MAPK6: variants seen among roughly 807,000 people sequenced by gnomAD.
The protein encoded by MAPK6 is ERK-3.
Under a neutral mutation model 59.3 loss-of-function variants are expected in MAPK6, and 19 were observed. That is an observed-to-expected ratio of 0.32 (90% CI 0.22 to 0.47). MAPK6 has a LOEUF of 0.47. MAPK6 is among the 20% of genes least tolerant of loss of function. The pLI, the probability that MAPK6 is intolerant of heterozygous loss-of-function variation, is 1.00. For missense variants in MAPK6, 724 were observed against 847.9 expected, an observed-to-expected ratio of 0.85 and a Z score of 1.81; for synonymous variants, 316 against 290.3, an observed-to-expected ratio of 1.09 and a Z score of -0.90.
chr15:52,046,818 G>C lies in MAPK6; in HGVS notation c.358G>C (p.Glu120Gln). 3.1e-6 allele frequency: 5 copies of C among 1,613,918 alleles called. No homozygotes were observed. The highest frequency in any genetic ancestry group is 3.4e-6 in the Non-Finnish European group (4 of 1,179,900). ...GGAGACAGACTTGGCTAATGTGCTG[G>C]AGCAGGGCCCTTTACTGGAAGAGCA... is the stretch of plus-strand genomic sequence containing the variant. Reference protein sequence around the residue: ...YMETDLANVLEQGPLLEEHAR... With the variant: ...YMETDLANVLQQGPLLEEHAR... The change falls in exon 2 of 6, where the codon GAG (glutamate) becomes CAG (glutamine). Residue 120 changes from glutamate (E) to glutamine (Q), a missense_variant. Coordinates refer to ENST00000261845, the MANE Select transcript of MAPK6 (RefSeq NM_002748.4).
chr15:52,050,962 G>C (rs901515500), intron 3 of MAPK6, among the ~76,000 whole-genome samples: 2 of 152,170 alleles, frequency 1.3e-5, no homozygotes, highest in Non-Finnish European at 2.9e-5. Context: ...GAAAAGTAAG[G>C]AATAGTAGGG....
intron 3 of MAPK6, among the ~76,000 whole-genome samples, chr15:52,053,302 C>T (rs1373500704): frequency 6.6e-6 from 1 of 152,056 alleles, no homozygotes; most frequent in African/African-American, 2.4e-5. Context: ...TCTCGAACTC[C>T]TAACCTGAAG....
intron 3 of MAPK6, chr15:52,056,783 C>A (rs1219201965): frequency 6.6e-6 from 1 of 152,076 alleles, no homozygotes; most frequent in Non-Finnish European, 1.5e-5. Flanking sequence ...TTCACTTAGT[C>A]CCTGGGTAGT....
At chr15:51,973,351 T>C (rs916639454) in intron 1 of MAPK6, among the ~76,000 whole-genome samples, 16 of 152,012 alleles carry the variant, frequency 1.1e-4, no homozygotes, top group Non-Finnish European at 1.8e-4. Flanking sequence ...TTTGATTAAA[T>C]TTATTTTCTT....
intron 3 of MAPK6, among the ~76,000 whole-genome samples, chr15:52,056,238 T>C (rs923360792): frequency 5.9e-5 from 9 of 152,240 alleles, no homozygotes; most frequent in Non-Finnish European, 1.2e-4. Flanking sequence ...ACTTGGGCAG[T>C]AGATATTTTC....
intron 3 of MAPK6, among the ~76,000 whole-genome samples, chr15:52,052,145 C>G (rs1174221161): frequency 5.9e-5 from 9 of 152,116 alleles, no homozygotes; most frequent in Admixed American, 5.2e-4. Context: ...AGTGGTTTAG[C>G]TGGGTGGTTC....
chr15:52,040,173 C>T (rs983885603), intron 1 of MAPK6, among the ~76,000 whole-genome samples: 2 of 152,200 alleles, frequency 1.3e-5, no homozygotes, highest in African/African-American at 4.8e-5. Flanking sequence ...GACATGATCT[C>T]AGGGAAGGGT....
At chr15:52,049,234 G>A (rs1402954194) in intron 2 of MAPK6, among the ~76,000 whole-genome samples, 1 of 152,092 alleles carries the variant, frequency 6.6e-6, no homozygotes, top group East Asian at 1.9e-4. Flanking sequence ...AGCACCTCTG[G>A]TGCTCTTCCC....
At chr15:52,023,547 G>GT (rs1208142473) in intron 1 of MAPK6, among the ~76,000 whole-genome samples, 1 of 152,182 alleles carries the variant, frequency 6.6e-6, no homozygotes, top group Non-Finnish European at 1.5e-5. Flanking sequence ...GCATTGATTG[G>GT]TTTTTTCACC....
chr15:52,053,373 G>A (rs554993225), intron 3 of MAPK6, among the ~76,000 whole-genome samples: 4 of 152,126 alleles, frequency 2.6e-5, no homozygotes, highest in Admixed American at 6.5e-5. Context: ...ATTGCACCCG[G>A]CCTCATTGTG....
chr15:52,033,779 T>G (rs1472846732), intron 1 of MAPK6: 8 of 152,188 alleles, frequency 5.3e-5, no homozygotes, highest in Non-Finnish European at 1.2e-4. Context: ...TCTGGGTTAA[T>G]AGGCTTTGTT....
chr15:52,062,913 A>G (rs114743051), intron 5 of MAPK6, among the ~76,000 whole-genome samples: 1,934 of 152,050 alleles, frequency 0.013, 51 homozygotes, highest in African/African-American at 0.045. Flanking sequence ...ATGTATGGCC[A>G]AGTTTGGGAA....
At chr15:52,016,606 CCT>C (rs1475564891), upstream of MAPK6, among the ~76,000 whole-genome samples, 2 of 152,096 alleles carry the variant, frequency 1.3e-5, no homozygotes, top group Admixed American at 6.5e-5. Context: ...GGTAAACAGC[CCT>C]CTGTTCTACT....
chr15:51,991,116 GA>G (rs2057206760), intron 2 of MAPK6, among the ~76,000 whole-genome samples: 2 of 150,874 alleles, frequency 1.3e-5, no homozygotes. Context: ...CAACAAGAGC[GA>G]AATTCCATCT....
chr15:51,982,861 G>A (rs1435059874), intron 1 of MAPK6, among the ~76,000 whole-genome samples: 1 of 152,094 alleles, frequency 6.6e-6, no homozygotes, highest in African/African-American at 2.4e-5. Context: ...TTTCCCTAAA[G>A]AATCCAGTGA....
At chr15:52,058,923 G>T (rs2032090689) in intron 4 of MAPK6, 126 bp downstream of exon 4, 1 of 670,066 alleles carries the variant, frequency 1.5e-6, no homozygotes, top group African/African-American at 1.9e-5. Flanking sequence ...GACACTTAAG[G>T]TGTACGTAAA....
At chr15:52,008,035 C>T (rs575157130) in intron 3 of MAPK6, among the ~76,000 whole-genome samples, 17 of 151,998 alleles carry the variant, frequency 1.1e-4, no homozygotes, top group East Asian at 3.9e-4. Context: ...TCAGTAGAGA[C>T]GGGGTTTCAC....
chr15:52,046,634 T>G lies in MAPK6; in HGVS notation c.174T>G (p.Ser58Arg). ...AAATTGTCCTTACTGATCCCCAGAG[T>G]GTCAAACATGCTCTACGTGAAATCA... ...IKKIVLTDPQ[S>R]VKHALREIKI... The change falls in exon 2 of 6, where the codon AGT (serine) becomes AGG (arginine). Residue 58 changes from serine (S) to arginine (R), a missense_variant. Around this residue, in one of 4 missense-constraint regions of MAPK6, gnomAD observed 87 missense variants for 93.0 expected, o/e 0.93. Transcript: ENST00000261845. 1 of 1,614,106 alleles carries G rather than the reference T, an allele frequency of 6.2e-7. No homozygotes were observed. The highest frequency in any genetic ancestry group is 8.5e-7 in the Non-Finnish European group (1 of 1,180,012).
At chr15:52,061,561 T>TGA in intron 5 of MAPK6, 61 bp downstream of exon 5, 10 of 1,248,786 alleles carry the variant, frequency 8.0e-6, no homozygotes, top group Admixed American at 2.1e-5. Context: ...CCATATGTAG[T>TGA]GAGTTTTTTT....
Sources: allele counts gnomAD v4.1 joint callset (sites outside exome capture counted in the v4.1 genomes callset), GRCh38; gene constraint gnomAD v4.1.1; regional missense constraint gnomAD v4.1.1; transcripts MANE v1.5; gene names NCBI Gene and HGNC (gene_info 2026-07-23, HGNC 2026-07-21).